FHOD3: variants seen among roughly 807,000 people sequenced by gnomAD.
FHOD3 encodes the protein formin homology 2 domain containing 3, also known as FH1/FH2 domain-containing protein 3.
Under a neutral mutation model 173.0 loss-of-function variants are expected in FHOD3, and 90 were observed. The ratio of observed to expected loss-of-function variants is 0.52; its 90% CI spans 0.44 to 0.62. The LOEUF (loss-of-function observed/expected upper bound fraction) is 0.62. Among genes scored for constraint, FHOD3 ranks in the 20% least tolerant of loss-of-function variants. The pLI is 0.00. For synonymous variants in FHOD3, 828 were observed against 823.0 expected (o/e 1.01, Z -0.10); for missense variants, 1,945 against 2,034.7 (o/e 0.96, Z 0.85).
intron 3 of FHOD3, among the ~76,000 whole-genome samples, chr18:36,459,415 G>A (rs2052419314): frequency 6.6e-6 from 1 of 152,218 alleles, no homozygotes; most frequent in Admixed American, 6.5e-5. Context: ...CCAGAGCTTA[G>A]AGCTGGGCGA....
rs539982600 is a variant in FHOD3 at position 36,541,228 on chromosome 18, C to T, written c.511+28685C>T. Among the ~76,000 whole-genome samples the T allele has an allele frequency of 8.2e-5, 10 of 121,238 alleles. No homozygotes were observed. In the South Asian group the frequency reaches 1.3e-3, roughly 15 times the overall value. 79.5% of individuals were successfully genotyped at this position (121,238 alleles called of 152,430 possible). On this transcript the variant is annotated intron_variant, in intron 5 of 28. Transcript: ENST00000590592. ...ATCGCACCACTGCACTCCAGCCTAG[C>T]GACAGAGCGAGACTCTGTCTCAAAA...
intron 27 of FHOD3, among the ~76,000 whole-genome samples, chr18:36,765,480 G>A (rs2150335809): frequency 6.6e-6 from 1 of 152,204 alleles, no homozygotes; most frequent in East Asian, 1.9e-4. Flanking sequence ...TGAAAATCAA[G>A]AAGAAAAATA....
At chr18:36,659,518 A>G (rs1600124130) in intron 14 of FHOD3, among the ~76,000 whole-genome samples, 2 of 152,204 alleles carry the variant, frequency 1.3e-5, no homozygotes, top group Non-Finnish European at 1.5e-5. Flanking sequence ...AAAGTGAGTA[A>G]TATTGGAGTC....
In FHOD3 at chr18:36,687,183, G is replaced by A. The variant is rs372032536; in HGVS notation, c.2021+5G>A. On this transcript the variant is annotated splice_donor_5th_base_variant and intron_variant, in intron 16 of 28. Coordinates refer to ENST00000590592, the MANE Select transcript of FHOD3 (RefSeq NM_001281740.3). ...AAGGCAAGCAAGAGAAGAAAGGTTT[G>A]TATATTTCTTCTTTCCCATTGTAAC... 15 of 1,603,686 alleles carry A rather than the reference G, an allele frequency of 9.4e-6. No individual in the cohort carries two copies. In the African/African-American group the frequency reaches 1.5e-4, roughly 16 times the overall value.
At chr18:36,762,495 A>C (rs1026644358) in intron 27 of FHOD3, among the ~76,000 whole-genome samples, 7 of 152,084 alleles carry the variant, frequency 4.6e-5, no homozygotes. Flanking sequence ...TTTGGTGTTT[A>C]CCTTTTAATA....
intron 3 of FHOD3, among the ~76,000 whole-genome samples, chr18:36,429,785 C>T (rs980061742): frequency 6.6e-6 from 1 of 152,040 alleles, no homozygotes; most frequent in Non-Finnish European, 1.5e-5. Flanking sequence ...GTTCCTTGCG[C>T]CACCCAGAAG....
At chr18:36,657,511 C>T (rs2036503472) in intron 13 of FHOD3, among the ~76,000 whole-genome samples, 1 of 152,194 alleles carries the variant, frequency 6.6e-6, no homozygotes, top group Non-Finnish European at 1.5e-5. Context: ...TGGATGAAAA[C>T]ATGAATACAT....
chr18:36,531,438 G>T (rs1449723048), intron 5 of FHOD3, among the ~76,000 whole-genome samples: 1 of 152,058 alleles, frequency 6.6e-6, no homozygotes, highest in South Asian at 2.1e-4. Flanking sequence ...AGCCATTCCT[G>T]TCCAAAACAC....
rs375394116 is a variant in FHOD3, at chr18:36,740,740, A to G, written c.3661A>G (p.Ser1221Gly). 28 of 1,614,086 alleles carry G rather than the reference A, an allele frequency of 1.7e-5. No homozygotes were observed. The highest frequency in any genetic ancestry group is 2.4e-5 in the Non-Finnish European group (28 of 1,180,014). ...GGCCAACCCTGAAATCCCCCTGGGC[A>G]GTGCAGAGCAGTTCCTCCTCACCCT... Reference protein sequence around the residue: ...QLANPEIPLGSAEQFLLTLSS... With the variant: ...QLANPEIPLGGAEQFLLTLSS... Residue 1221 changes from serine (S) to glycine (G), a missense_variant, in exon 21 of 29, where the codon AGT becomes GGT. Ser to Gly is a moderately conservative substitution (Grantham distance 56). This residue lies in a region of FHOD3 where 231 missense variants were observed against 321.9 expected (regional missense o/e 0.72). Transcript: ENST00000590592.
intron 3 of FHOD3, among the ~76,000 whole-genome samples, chr18:36,408,321 G>A (rs1479638752): frequency 9.2e-5 from 14 of 152,246 alleles, no homozygotes; most frequent in Non-Finnish European, 1.5e-5. Flanking sequence ...GTGAGACACA[G>A]TCTCAGTTAG....
intron 3 of FHOD3, among the ~76,000 whole-genome samples, chr18:36,455,033 C>G (rs2052096583): frequency 6.6e-6 from 1 of 152,294 alleles, no homozygotes; most frequent in East Asian, 1.9e-4. Flanking sequence ...TGACTCTTTA[C>G]AGAACAAACA....
intron 3 of FHOD3, among the ~76,000 whole-genome samples, chr18:36,485,657 A>G (rs565535111): frequency 3.9e-5 from 6 of 152,326 alleles, no homozygotes; most frequent in Admixed American, 3.3e-4. Flanking sequence ...AAGACACCAC[A>G]TGCTAGGTGA....
At chr18:36,512,666 C>T in intron 5 of FHOD3, 123 bp downstream of exon 5, 2 of 668,918 alleles carry the variant, frequency 3.0e-6, no homozygotes, top group Non-Finnish European at 5.2e-6. Flanking sequence ...GTGGTAAAGA[C>T]ACCCTTTGGC....
intron 3 of FHOD3, among the ~76,000 whole-genome samples, chr18:36,422,214 A>G (rs1372720302): frequency 6.6e-6 from 1 of 152,196 alleles, no homozygotes; most frequent in Non-Finnish European, 1.5e-5. Flanking sequence ...AGACAAATAT[A>G]TGTAATTTAC....
intron 24 of FHOD3, among the ~76,000 whole-genome samples, chr18:36,748,382 AAC>A (rs532609709): frequency 0.045 from 6,498 of 143,222 alleles, 138 homozygotes; most frequent in East Asian, 0.064. Context: ...ACACACACAC[AAC>A]ACACACACAC....
At chr18:36,575,230 C>G (rs1184483297) in intron 5 of FHOD3, among the ~76,000 whole-genome samples, 1 of 152,222 alleles carries the variant, frequency 6.6e-6, no homozygotes, top group Non-Finnish European at 1.5e-5. Flanking sequence ...CTTGGCCTCC[C>G]AAAGTGTTGG....
At chr18:36,344,384 G>T (rs1240233388) in intron 1 of FHOD3, among the ~76,000 whole-genome samples, 1 of 152,040 alleles carries the variant, frequency 6.6e-6, no homozygotes, top group Non-Finnish European at 1.5e-5. Context: ...ACACACCTGT[G>T]CTTCCAACAT....
intron 24 of FHOD3, among the ~76,000 whole-genome samples, chr18:36,753,549 CAT>C (rs1194581129): frequency 1.3e-5 from 2 of 152,224 alleles, no homozygotes; most frequent in Non-Finnish European, 2.9e-5. Flanking sequence ...TGTGTGTACA[CAT>C]ATTTTCATTT....
chr18:36,738,436 A>C (rs1367167825), intron 20 of FHOD3, among the ~76,000 whole-genome samples: 1 of 152,262 alleles, frequency 6.6e-6, no homozygotes, highest in African/African-American at 2.4e-5. Flanking sequence ...GTCTATCACA[A>C]AGCAAAAGTT....
Sources: allele counts gnomAD v4.1 joint callset (sites outside exome capture counted in the v4.1 genomes callset), GRCh38; gene constraint gnomAD v4.1.1; regional missense constraint gnomAD v4.1.1; transcripts MANE v1.5; gene names NCBI Gene and HGNC (gene_info 2026-07-23, HGNC 2026-07-21).